The following ZNF385D variants were observed in gnomAD, a reference collection of about 807,000 sequenced individuals.
ZNF385D encodes zinc finger protein 659.
In ZNF385D, 15 loss-of-function variants were observed where a neutral mutation model predicts 35.8. That is an observed-to-expected ratio of 0.42 (90% CI 0.28 to 0.64). The LOEUF (loss-of-function observed/expected upper bound fraction) is 0.64, where lower values mean the gene tolerates loss of function less well. Ranked by LOEUF, ZNF385D falls within the 30% of genes least tolerant of loss-of-function variation. The probability of loss-of-function intolerance (pLI) is 0.23; values close to 1 mark genes in which losing one functional copy is unlikely to be tolerated. For missense variants in ZNF385D, 474 were observed against 494.6 expected, an observed-to-expected ratio of 0.96 and a Z score of 0.39; for synonymous variants, 212 against 186.8, an observed-to-expected ratio of 1.13 and a Z score of -1.10.
At chr3:21,534,740 CT>C (rs2061997986) in intron 3 of ZNF385D, among the ~76,000 whole-genome samples, 1 of 152,132 alleles carries the variant, frequency 6.6e-6, no homozygotes, top group South Asian at 2.1e-4. Flanking sequence ...TATGGGAAAA[CT>C]GTTGCCAGTG....
At chr3:21,453,532 C>T (rs12638887) in intron 4 of ZNF385D, among the ~76,000 whole-genome samples, 39,416 of 151,656 alleles carry the variant, frequency 0.26, 6,751 homozygotes, top group African/African-American at 0.48. Flanking sequence ...ATAAAGACAA[C>T]TCAATCAAAA....
At chr3:22,164,679 T>G (rs375905944) in intron 3 of ZNF385D, among the ~76,000 whole-genome samples, 3 of 151,576 alleles carry the variant, frequency 2.0e-5, no homozygotes, top group African/African-American at 7.3e-5. Context: ...AGTGGATAAA[T>G]TGTTTCCCCT....
At chr3:21,947,897 T>G (rs1701874145) in intron 3 of ZNF385D, among the ~76,000 whole-genome samples, 1 of 152,160 alleles carries the variant, frequency 6.6e-6, no homozygotes, top group Admixed American at 6.5e-5. Flanking sequence ...CTCCTGGGTT[T>G]TGTTTCACCA....
At chr3:21,602,479 C>T (rs972610593) in intron 2 of ZNF385D, among the ~76,000 whole-genome samples, 1 of 149,248 alleles carries the variant, frequency 6.7e-6, no homozygotes, top group Admixed American at 6.6e-5. Context: ...GTAGCAAAAC[C>T]AAGAGTAGAA....
Position 22,248,069 on chromosome 3 carries a change from A to G in ZNF385D, c.107-79034T>C, listed in dbSNP as rs140798778. ...TGACAACACTATCTGGTAGCCCTCA[A>G]TCAAGCTGATGTCAAGATTCATGAA... On this transcript the variant is annotated intron_variant, in intron 2 of 5. Transcript: ENST00000494108. Among the ~76,000 whole-genome samples, 34 of 152,288 alleles carry G rather than the reference A, an allele frequency of 2.2e-4. 1 individual carries two copies. In the East Asian group the frequency reaches 6.4e-3, roughly 29 times the overall value.
chr3:22,019,587 T>C (rs935016721), intron 3 of ZNF385D, among the ~76,000 whole-genome samples: 1 of 151,944 alleles, frequency 6.6e-6, no homozygotes, highest in Non-Finnish European at 1.5e-5. Context: ...AATCCTTTTA[T>C]TTGTGTCTGA....
intron 2 of ZNF385D, among the ~76,000 whole-genome samples, chr3:22,325,069 T>A (rs1350453172): frequency 6.6e-6 from 1 of 152,200 alleles, no homozygotes. Flanking sequence ...GCAAAGTACT[T>A]AGTATAGTGC....
intron 3 of ZNF385D, among the ~76,000 whole-genome samples, chr3:21,830,726 T>G (rs1028402742): frequency 6.6e-6 from 1 of 152,222 alleles, no homozygotes; most frequent in Non-Finnish European, 1.5e-5. Flanking sequence ...TGTGATTTCC[T>G]TGGCAAATGT....
chr3:22,172,858 G>A (rs928297366), intron 2 of ZNF385D, among the ~76,000 whole-genome samples: 5 of 152,110 alleles, frequency 3.3e-5, no homozygotes, highest in Non-Finnish European at 5.9e-5. Flanking sequence ...CATTCAAAGC[G>A]GGATAGGGCA....
intron 3 of ZNF385D, among the ~76,000 whole-genome samples, chr3:22,011,181 GT>G (rs1242505749): frequency 6.6e-6 from 1 of 151,786 alleles, no homozygotes; most frequent in African/African-American, 2.4e-5. Context: ...ACTGTTTATT[GT>G]TTCTAAAATA....
chr3:21,834,806 A>G (rs1695225074), intron 3 of ZNF385D, among the ~76,000 whole-genome samples: 1 of 151,858 alleles, frequency 6.6e-6, no homozygotes. Flanking sequence ...TGTTTTTGGG[A>G]TAGTGAGTGA....
intron 3 of ZNF385D, among the ~76,000 whole-genome samples, chr3:21,787,511 T>C (rs2071742433): frequency 6.6e-6 from 1 of 152,000 alleles, no homozygotes; most frequent in Non-Finnish European, 1.5e-5. Context: ...ACACACACTG[T>C]CCTATGGAAG....
At chr3:22,018,240 T>G (rs561875285) in intron 3 of ZNF385D, among the ~76,000 whole-genome samples, 24 of 134,814 alleles carry the variant, frequency 1.8e-4, no homozygotes, top group East Asian at 9.7e-4. Flanking sequence ...GGGATATGTG[T>G]TTTTTTTTAA....
At chr3:21,457,158 C>T (rs1702875676) in intron 4 of ZNF385D, among the ~76,000 whole-genome samples, 1 of 151,880 alleles carries the variant, frequency 6.6e-6, no homozygotes. Flanking sequence ...TGAAACAACC[C>T]AGAAAATAAA....
intron 3 of ZNF385D, among the ~76,000 whole-genome samples, chr3:21,839,780 G>A (rs1695551042): frequency 6.6e-6 from 1 of 151,928 alleles, no homozygotes. Context: ...TCACATACCA[G>A]CAATCAAATG....
intron 2 of ZNF385D, among the ~76,000 whole-genome samples, chr3:22,277,881 G>T (rs556105939): frequency 3.3e-5 from 5 of 152,118 alleles, no homozygotes; most frequent in Admixed American, 6.6e-5. Context: ...ATGAATTAAG[G>T]CTTAGTGTGT....
intron 2 of ZNF385D, among the ~76,000 whole-genome samples, chr3:22,183,149 G>T (rs1356556597): frequency 3.3e-5 from 5 of 152,040 alleles, no homozygotes; most frequent in African/African-American, 4.8e-5. Context: ...AAAATAATGA[G>T]TTAAAACTAT....
chr3:21,783,051 T>G (rs1442709642), intron 3 of ZNF385D, among the ~76,000 whole-genome samples: 1 of 152,178 alleles, frequency 6.6e-6, no homozygotes, highest in South Asian at 2.1e-4. Flanking sequence ...TTGCTAGATC[T>G]TCACGATTGG....
At chr3:21,531,937 G>T (rs1002882494) in intron 3 of ZNF385D, among the ~76,000 whole-genome samples, 1 of 152,150 alleles carries the variant, frequency 6.6e-6, no homozygotes, top group Admixed American at 6.5e-5. Flanking sequence ...TGAAACAAAT[G>T]TACCATTCTA....
Sources: gnomAD v4.1 joint callset for allele counts (sites outside exome capture counted in the v4.1 genomes callset) on GRCh38, gnomAD v4.1.1 for gene constraint, MANE v1.5 for transcripts, NCBI Gene and HGNC (gene_info 2026-07-23, HGNC 2026-07-21) for gene names.